Variants in DTNBP1 observed in about 807,000 individuals in gnomAD.
DTNBP1 encodes the protein dysbindin.
In DTNBP1, 35 loss-of-function variants were observed where a neutral mutation model predicts 42.8. The observed-to-expected ratio is 0.82, with a 90% CI of 0.63 to 1.09. The LOEUF (loss-of-function observed/expected upper bound fraction) is 1.09. DTNBP1 is among the 50% of genes least tolerant of loss of function. DTNBP1 has a pLI of 0.00. For missense variants in DTNBP1, 457 were observed against 424.2 expected (o/e 1.08, Z -0.68); for synonymous variants, 171 against 162.2 (o/e 1.05, Z -0.41).
intron 7 of DTNBP1, among the ~76,000 whole-genome samples, chr6:15,567,964 A>G (rs1402133354): frequency 2.0e-5 from 3 of 152,200 alleles, no homozygotes; most frequent in African/African-American, 7.2e-5. Flanking sequence ...TAATGATAAT[A>G]TATGTATAAT....
chr6:15,615,515 T>C (rs1358336703), intron 5 of DTNBP1, 116 bp from the exon 6 acceptor site: 21 of 1,378,952 alleles, frequency 1.5e-5, no homozygotes, highest in East Asian at 2.4e-5. Context: ...GCATTTTTAA[T>C]GTTTTTTATT....
At position 15,628,371 on chromosome 6, in the gene DTNBP1, C is replaced by T. The variant is rs185668042; in HGVS notation, c.223-896G>A. Among the ~76,000 whole-genome samples, 324 of 140,836 alleles carry T rather than the reference C, an allele frequency of 2.3e-3. 1 individual carries two copies. The highest frequency in any genetic ancestry group is 8.1e-3 in the African/African-American group (307 of 38,094). 92.4% of individuals were successfully genotyped at this position (140,836 alleles called of 152,430 possible). ...AATGAATTTGAGTATTCAAAACAGACAATTTGTACATCTCAAGATTAAGGT... is the reference window on the plus strand; with the variant it reads ...AATGAATTTGAGTATTCAAAACAGATAATTTGTACATCTCAAGATTAAGGT... On this transcript the variant is annotated intron_variant, in intron 4 of 9. Coordinates refer to ENST00000344537, the MANE Select transcript of DTNBP1 (RefSeq NM_032122.5).
At chr6:15,651,754 T>A (rs183379392) in intron 2 of DTNBP1, among the ~76,000 whole-genome samples, 185 of 152,314 alleles carry the variant, frequency 1.2e-3, no homozygotes, top group African/African-American at 4.2e-3. Context: ...AAGAGGCTCA[T>A]TTGCCAAGTA....
chr6:15,618,134 G>A (rs143591090), intron 5 of DTNBP1, among the ~76,000 whole-genome samples: 1 of 151,484 alleles, frequency 6.6e-6, no homozygotes, highest in East Asian at 1.9e-4. Context: ...TCTTACACAA[G>A]GAACCCAAAC....
At chr6:15,601,119 T>C (rs1776710931) in intron 6 of DTNBP1, among the ~76,000 whole-genome samples, 1 of 152,118 alleles carries the variant, frequency 6.6e-6, no homozygotes, top group African/African-American at 2.4e-5. Flanking sequence ...GGTGTTGAAG[T>C]CAAGAGAGGA....
intron 5 of DTNBP1, among the ~76,000 whole-genome samples, chr6:15,623,837 A>T (rs1395372854): frequency 1.3e-5 from 2 of 152,258 alleles, no homozygotes; most frequent in African/African-American, 4.8e-5. Flanking sequence ...GGATAAAAAT[A>T]TTCCATTGTA....
intron 7 of DTNBP1, among the ~76,000 whole-genome samples, chr6:15,552,101 A>G (rs1159139861): frequency 6.6e-6 from 1 of 152,188 alleles, no homozygotes; most frequent in Non-Finnish European, 1.5e-5. Flanking sequence ...GGCAACGGAC[A>G]ATGACATCAG....
At chr6:15,539,391 C>T (rs956298489) in intron 7 of DTNBP1, among the ~76,000 whole-genome samples, 1 of 152,232 alleles carries the variant, frequency 6.6e-6, no homozygotes, top group Non-Finnish European at 1.5e-5. Context: ...AGGCCCAACT[C>T]AGGTCCTACA....
intron 7 of DTNBP1, among the ~76,000 whole-genome samples, chr6:15,547,742 T>G (rs1233681425): frequency 6.6e-6 from 1 of 152,188 alleles, no homozygotes; most frequent in Non-Finnish European, 1.5e-5. Flanking sequence ...CCAGTCCCTG[T>G]GCTTGGTGGC....
At chr6:15,648,819 A>G (rs1472700813) in intron 3 of DTNBP1, among the ~76,000 whole-genome samples, 1 of 152,090 alleles carries the variant, frequency 6.6e-6, no homozygotes, top group African/African-American at 2.4e-5. Context: ...AAATGACCAG[A>G]TTCAATTTAA....
At chr6:15,547,120 A>C (rs542202893) in intron 7 of DTNBP1, among the ~76,000 whole-genome samples, 17 of 152,120 alleles carry the variant, frequency 1.1e-4, no homozygotes, top group Admixed American at 2.0e-4. Flanking sequence ...TCACTACAGG[A>C]ATCTTTTCAA....
chr6:15,559,238 C>A (rs1346878270), intron 7 of DTNBP1, among the ~76,000 whole-genome samples: 1 of 152,144 alleles, frequency 6.6e-6, no homozygotes, highest in African/African-American at 2.4e-5. Flanking sequence ...CAAGGCTGAT[C>A]CTCTTACAAC....
At position 15,587,699 on chromosome 6, in the gene DTNBP1, C is replaced by G. The variant is rs576707877; in HGVS notation, c.511+5360G>C. On this transcript the variant is annotated intron_variant, in intron 7 of 9. Coordinates refer to ENST00000344537, the MANE Select transcript of DTNBP1 (RefSeq NM_032122.5). This position sits in a 1 kb window ranked among gnomAD's most constrained non-coding sequence, Gnocchi z 4.1. ...GAGGGAGACTTCGGGCATGGTGCAG[C>G]CTAGAGCCCCAAGGTCTGCCAAAAA... Among the ~76,000 whole-genome samples the G allele has an allele frequency of 5.9e-5, 9 of 152,248 alleles. No individual in the cohort carries two copies. Among genetic ancestry groups the G allele is most frequent in the Admixed American group, 5.2e-4 (8 of 15,284 alleles).
chr6:15,546,765 T>C (rs1315836600), intron 7 of DTNBP1, among the ~76,000 whole-genome samples: 1 of 152,192 alleles, frequency 6.6e-6, no homozygotes, highest in Non-Finnish European at 1.5e-5. Context: ...GGCTGCTTCC[T>C]GTAGGAGATC....
chr6:15,524,072 G>C (rs141211059), intron 9 of DTNBP1: 1 of 1,310,016 alleles, frequency 7.6e-7, no homozygotes, highest in Admixed American at 2.3e-5. Context: ...GTGCAACTAA[G>C]TTTACAACAC....
At chr6:15,630,552 A>C (rs2113749094) in intron 4 of DTNBP1, among the ~76,000 whole-genome samples, 1 of 152,336 alleles carries the variant, frequency 6.6e-6, no homozygotes. Flanking sequence ...TTAAGCCCTA[A>C]GTATTAACTA....
rs1004582397 is a variant in DTNBP1, at chr6:15,662,810, C to G, written c.56+4G>C. The G allele has an allele frequency of 6.2e-7, 1 of 1,612,048 alleles. No individual in the cohort carries two copies. The highest frequency in any genetic ancestry group is 2.2e-5 in the East Asian group (1 of 44,852). ...TCCCTTTTCGTCGCCCACCGTATAC[C>G]CACCCGGAGGTGAAATCCTGCTGCA... On this transcript the variant is annotated splice_donor_region_variant and intron_variant, in intron 1 of 9. Coordinates refer to ENST00000344537, the MANE Select transcript of DTNBP1 (RefSeq NM_032122.5).
chr6:15,524,150 G>T, intron 9 of DTNBP1: 4 of 1,407,694 alleles, frequency 2.8e-6, no homozygotes, highest in Non-Finnish European at 3.8e-6. Flanking sequence ...CCTGTCGCAC[G>T]AAGAGGGAAG....
intron 7 of DTNBP1, among the ~76,000 whole-genome samples, chr6:15,550,427 A>G (rs9370823): frequency 0.26 from 38,833 of 152,086 alleles, 5,566 homozygotes; most frequent in East Asian, 0.44. Context: ...TATTTCAAAT[A>G]AAATACTGCA....
Sources: allele counts gnomAD v4.1 joint callset (sites outside exome capture counted in the v4.1 genomes callset), GRCh38; gene constraint gnomAD v4.1.1; non-coding constraint Gnocchi (gnomAD v3.1); transcripts MANE v1.5; gene names NCBI Gene and HGNC (gene_info 2026-07-23, HGNC 2026-07-21).